DLC1: variants seen among roughly 807,000 people sequenced by gnomAD.
The protein encoded by DLC1 is DLC1 Rho GTPase activating protein.
DLC1 carries 54 observed loss-of-function variants against 140.3 expected under a neutral mutation model. That is an observed-to-expected ratio of 0.38 (90% CI 0.31 to 0.48). The LOEUF is 0.48. Ranked by LOEUF, DLC1 falls within the 20% of genes least tolerant of loss-of-function variation. The pLI is 0.96. For missense variants in DLC1, 2,536 were observed against 1,907.0 expected, an observed-to-expected ratio of 1.33 and a Z score of -6.14; for synonymous variants, 986 against 728.1, an observed-to-expected ratio of 1.35 and a Z score of -5.70.
At chr8:13,546,324 C>T (rs939213139) in intron 1 of DLC1, among the ~76,000 whole-genome samples, 7 of 152,140 alleles carry the variant, frequency 4.6e-5, no homozygotes, top group South Asian at 4.1e-4. Flanking sequence ...TTCTTTTAAT[C>T]AGTTGCAATG....
At chr8:13,497,164 A>G (rs1276182950) in intron 2 of DLC1, among the ~76,000 whole-genome samples, 2 of 152,192 alleles carry the variant, frequency 1.3e-5, no homozygotes, top group Non-Finnish European at 2.9e-5. Flanking sequence ...CATGCAATAT[A>G]GTGATGAACA....
chr8:13,300,445 G>A (rs1832143404), intron 5 of DLC1, among the ~76,000 whole-genome samples: 2 of 152,138 alleles, frequency 1.3e-5, no homozygotes, highest in East Asian at 3.9e-4. Flanking sequence ...ATAAAATAAA[G>A]TAAATCTACA....
In DLC1 at chr8:13,372,824, A is replaced by G. The variant is rs568811268; in HGVS notation, c.1314+20729T>C. On this transcript the variant is annotated intron_variant, in intron 4 of 17. Coordinates refer to ENST00000276297, the MANE Select transcript of DLC1 (RefSeq NM_182643.3). ...AAGTTATTTAGAATGCAGGGAAACA[A>G]ATTTTCCAGAAATATATATCTTTAT... 1.1e-4 allele frequency among the ~76,000 whole-genome samples: 16 copies of G among 152,238 alleles called. No homozygotes were observed. The East Asian group carries it at 3.1e-3, about 29-fold the overall frequency.
At chr8:13,515,438 G>A (rs576272290), upstream of DLC1, 1 of 152,130 alleles carries the variant, frequency 6.6e-6, no homozygotes, top group Admixed American at 6.5e-5. Context: ...TCGTGTTATG[G>A]CAAATGCAGC....
intron 5 of DLC1, among the ~76,000 whole-genome samples, chr8:13,225,776 C>T (rs896984406): frequency 2.6e-5 from 4 of 151,900 alleles, no homozygotes; most frequent in African/African-American, 4.8e-5. Context: ...CCACCACGCC[C>T]GGCTAATTTT....
chr8:13,376,900 T>A (rs1836017690), intron 4 of DLC1, among the ~76,000 whole-genome samples: 1 of 152,174 alleles, frequency 6.6e-6, no homozygotes, highest in East Asian at 1.9e-4. Context: ...TGTGGCTGAT[T>A]TCATGGCTAT....
intron 1 of DLC1, among the ~76,000 whole-genome samples, chr8:13,590,097 TG>T (rs1805468831): frequency 1.6e-5 from 2 of 123,646 alleles, no homozygotes; most frequent in Admixed American, 1.5e-4. Context: ...GCTTTTATTT[TG>T]TTTTATTTTC....
intron 5 of DLC1, among the ~76,000 whole-genome samples, chr8:13,228,294 A>T (rs919910606): frequency 6.8e-6 from 1 of 147,168 alleles, no homozygotes; most frequent in South Asian, 2.2e-4. Flanking sequence ...CCCATTCATA[A>T]AAAAAAAAAA....
chr8:13,245,408 A>G lies in DLC1; in HGVS notation c.1348+59861T>C, dbSNP rs370325913. The stretch of plus-strand genomic sequence containing the variant: ...CTGACCCACAGAAGCTGTGAGCACA[A>G]TAAGTGGTTGTTTTACACCACTAGG... On this transcript the variant is annotated intron_variant, in intron 5 of 17. Coordinates refer to ENST00000276297, the MANE Select transcript of DLC1 (RefSeq NM_182643.3). Among the ~76,000 whole-genome samples the G allele has an allele frequency of 4.1e-4, 63 of 152,028 alleles. 1 individual carries two copies. Among genetic ancestry groups the G allele is most frequent in the African/African-American group, 1.5e-3 (63 of 41,238 alleles).
At position 13,136,928 on chromosome 8, in the gene DLC1, G is replaced by A. The variant is rs571504221; in HGVS notation, c.1349-21271C>T. Among the ~76,000 whole-genome samples, 1,179 of 152,220 alleles carry A rather than the reference G, an allele frequency of 7.7e-3. 11 individuals are homozygous for A. The highest frequency in any genetic ancestry group is 0.012 in the Non-Finnish European group (790 of 68,010). Reference sequence around the variant, plus strand: ...ATCTTTAAAAAAGAAGGTTGTTATAGTGCATACCTCATGAGGGTTTTACGA... The same window carrying A: ...ATCTTTAAAAAAGAAGGTTGTTATAATGCATACCTCATGAGGGTTTTACGA... On this transcript the variant is annotated intron_variant, in intron 5 of 17. Coordinates refer to ENST00000276297, the MANE Select transcript of DLC1 (RefSeq NM_182643.3).
chr8:13,227,653 C>T (rs961356087), intron 5 of DLC1, among the ~76,000 whole-genome samples: 1 of 152,136 alleles, frequency 6.6e-6, no homozygotes, highest in African/African-American at 2.4e-5. Flanking sequence ...TGACCGTAGA[C>T]CCTATATTAA....
Position 13,234,543 on chromosome 8 carries a change from A to G in DLC1, c.1348+70726T>C, listed in dbSNP as rs1829194734. The stretch of plus-strand genomic sequence containing the variant: ...GCCTATGAAATCTGAAGGAGATATT[A>G]CAAATGAAGAAAGCTACTTCTTAGC... On this transcript the variant is annotated intron_variant, in intron 5 of 17. Transcript: ENST00000276297. Among the ~76,000 whole-genome samples the G allele has an allele frequency of 2.0e-5, 3 of 152,116 alleles. No homozygotes were observed. The South Asian group carries it at 6.2e-4, about 32-fold the overall frequency.
At chr8:13,366,442 T>G (rs944510833) in intron 4 of DLC1, among the ~76,000 whole-genome samples, 3 of 152,166 alleles carry the variant, frequency 2.0e-5, no homozygotes, top group African/African-American at 7.2e-5. Context: ...GGTGTGTGAA[T>G]GGGGAGGTTC....
In DLC1 at chr8:13,102,963, G is replaced by A. The variant is rs897281883; in HGVS notation, c.1503-110C>T. On this transcript the variant is annotated intron_variant, in intron 7 of 17. Transcript: ENST00000276297. ...TATTTAAGGAGTTTCTTGAAACTCA[G>A]TAATACCTAATACCTAGAGGAGTAT... is the stretch of plus-strand genomic sequence containing the variant. The A allele has an allele frequency of 1.4e-5, 12 of 872,256 alleles. No homozygotes were observed. The African/African-American group carries it at 1.7e-4, about 12-fold the overall frequency. 54.0% of individuals were successfully genotyped at this position (872,256 alleles called of 1,614,324 possible). A position where few individuals can be genotyped will look rare whatever the true frequency, so the allele number is the denominator to read the frequency against.
At chr8:13,197,651 A>T (rs1299474906) in intron 5 of DLC1, among the ~76,000 whole-genome samples, 3 of 151,286 alleles carry the variant, frequency 2.0e-5, no homozygotes, top group Non-Finnish European at 4.4e-5. Context: ...AGGCCGATTT[A>T]TTTTTTTTTA....
chr8:13,577,175 G>A (rs1804872302), intron 1 of DLC1, among the ~76,000 whole-genome samples: 1 of 152,100 alleles, frequency 6.6e-6, no homozygotes. Flanking sequence ...AACATCTTCC[G>A]ACATTGGACT....
chr8:13,190,209 C>T (rs182114693), intron 5 of DLC1, among the ~76,000 whole-genome samples: 7 of 152,268 alleles, frequency 4.6e-5, no homozygotes, highest in African/African-American at 1.7e-4. Context: ...GTATTTTACA[C>T]TTTATCCAAG....
intron 3 of DLC1, among the ~76,000 whole-genome samples, chr8:13,395,198 G>A (rs554080843): frequency 4.8e-4 from 72 of 151,206 alleles, no homozygotes; most frequent in Non-Finnish European, 8.7e-4. Context: ...TTGGCTCACT[G>A]CAGCCTCCAC....
At chr8:13,417,090 C>G (rs895684748) in intron 2 of DLC1, among the ~76,000 whole-genome samples, 6 of 152,066 alleles carry the variant, frequency 3.9e-5, no homozygotes, top group African/African-American at 1.4e-4. Context: ...ACAATTATTT[C>G]TAATCAGATG....
Sources: gnomAD v4.1 joint callset for allele counts (sites outside exome capture counted in the v4.1 genomes callset) on GRCh38, gnomAD v4.1.1 for gene constraint, MANE v1.5 for transcripts, NCBI Gene and HGNC (gene_info 2026-07-23, HGNC 2026-07-21) for gene names.